Variants in SIM1 observed in about 807,000 individuals in gnomAD.
SIM1 encodes single-minded homolog 1.
SIM1 carries 18 observed loss-of-function variants against 78.2 expected under a neutral mutation model. The observed-to-expected ratio is 0.23, with a 90% CI of 0.16 to 0.34. The LOEUF (loss-of-function observed/expected upper bound fraction) is 0.34, where lower values mean the gene tolerates loss of function less well. Among genes scored for constraint, SIM1 ranks in the 10% least tolerant of loss-of-function variants. The pLI is 1.00. For missense variants in SIM1, 939 were observed against 975.1 expected, an observed-to-expected ratio of 0.96 and a Z score of 0.49; for synonymous variants, 417 against 385.2, an observed-to-expected ratio of 1.08 and a Z score of -0.97.
chr6:100,443,238 A>G (rs1772261100), intron 9 of SIM1, among the ~76,000 whole-genome samples: 2 of 152,124 alleles, frequency 1.3e-5, no homozygotes, highest in African/African-American at 2.4e-5. Context: ...GTTTTAACAT[A>G]GAAAACTACT....
chr6:100,398,222 C>T (rs1770815030), intron 10 of SIM1, among the ~76,000 whole-genome samples: 1 of 152,102 alleles, frequency 6.6e-6, no homozygotes, highest in South Asian at 2.1e-4. Flanking sequence ...AGCTACCTCC[C>T]TCCACTTCCA....
At position 100,398,202 on chromosome 6, in the gene SIM1, T is replaced by C. The variant is rs1000142678; in HGVS notation, c.1168-4313A>G. Among the ~76,000 whole-genome samples the C allele has an allele frequency of 9.2e-5, 14 of 152,256 alleles. No homozygotes were observed. The South Asian group carries it at 1.2e-3, about 14-fold the overall frequency. On this transcript the variant is annotated intron_variant, in intron 10 of 11. Transcript: ENST00000369208. ...TATTCATATAAAACTTGCACACAAA[T>C]ATTTATAGCAGCTACCTCCCTCCAC...
At chr6:100,428,683 T>A (rs114597933) in intron 9 of SIM1, among the ~76,000 whole-genome samples, 2 of 151,736 alleles carry the variant, frequency 1.3e-5, no homozygotes, top group African/African-American at 4.9e-5. Flanking sequence ...TCCGAGGGAG[T>A]ACATTCTAAG....
intron 2 of SIM1, among the ~76,000 whole-genome samples, chr6:100,455,883 G>A (rs1406002096): frequency 6.6e-6 from 1 of 152,200 alleles, no homozygotes; most frequent in Non-Finnish European, 1.5e-5. Flanking sequence ...CTGGGCTCGG[G>A]ATAAATACTA....
At chr6:100,413,243 C>T (rs529794136) in intron 10 of SIM1, among the ~76,000 whole-genome samples, 6 of 152,302 alleles carry the variant, frequency 3.9e-5, no homozygotes, top group African/African-American at 1.4e-4. Flanking sequence ...CACTCTCCTG[C>T]TTCTTTCTCC....
intron 9 of SIM1, 96 bp downstream of exon 9, chr6:100,447,172 C>T (rs954759957): frequency 1.4e-6 from 2 of 1,433,448 alleles, no homozygotes; most frequent in Non-Finnish European, 9.5e-7. Context: ...TTCCCCGTGG[C>T]CCGAGCCTTG....
At chr6:100,453,890 A>G (rs1170051553) in intron 2 of SIM1, 46 bp from the exon 3 acceptor site, 2 of 1,495,268 alleles carry the variant, frequency 1.3e-6, no homozygotes, top group South Asian at 2.4e-5. Flanking sequence ...CCCGGACCTG[A>G]CAGGCAGTTT....
At chr6:100,449,478 G>A (rs746368497) in intron 5 of SIM1, 30 bp from the exon 6 acceptor site, 1 of 1,600,618 alleles carries the variant, frequency 6.2e-7, no homozygotes, top group Non-Finnish European at 8.6e-7. Context: ...GGAAGCTCAG[G>A]TCGTGTGACA....
At chr6:100,443,833 G>T (rs1368973207) in intron 9 of SIM1, among the ~76,000 whole-genome samples, 1 of 152,246 alleles carries the variant, frequency 6.6e-6, no homozygotes, top group South Asian at 2.1e-4. Flanking sequence ...CATATAGGTA[G>T]AGAGAGATAT....
At position 100,391,084 on chromosome 6, in the gene SIM1, A is replaced by G; in HGVS notation, c.1578T>C (p.Gly526=). 2 of 1,570,198 alleles carry G rather than the reference A, an allele frequency of 1.3e-6. No individual in the cohort carries two copies. Among genetic ancestry groups the G allele is most frequent in the Non-Finnish European group, 1.7e-6 (2 of 1,161,792 alleles). ...IASVHRIHGR[G]HWDEDSVVSS... is the part of the protein sequence containing the mutation. ...TGACCACACTATCTTCATCCCAATG[A>G]CCTCGCCCTAAAAATTAGAAAAAGT... The change falls in exon 12 of 12, where the codon GGT becomes GGC. Residue 526 remains glycine (G), a synonymous_variant. Transcript: ENST00000369208.
At chr6:100,461,471 G>A (rs1772841852) in intron 2 of SIM1, among the ~76,000 whole-genome samples, 1 of 152,142 alleles carries the variant, frequency 6.6e-6, no homozygotes, top group African/African-American at 2.4e-5. Context: ...CTCCTCCCGC[G>A]ATTACTCGCA....
intron 9 of SIM1, among the ~76,000 whole-genome samples, chr6:100,425,525 A>T (rs990874269): frequency 6.6e-6 from 1 of 152,210 alleles, no homozygotes; most frequent in Non-Finnish European, 1.5e-5. Context: ...AAGCACAATA[A>T]AAAATACCCA....
chr6:100,460,218 C>T (rs1016711715), intron 2 of SIM1, among the ~76,000 whole-genome samples: 1 of 151,854 alleles, frequency 6.6e-6, no homozygotes, highest in African/African-American at 2.4e-5. Context: ...AACTTGCCCC[C>T]AGACAAGGAA....
chr6:100,399,198 A>C (rs905934379), intron 10 of SIM1, among the ~76,000 whole-genome samples: 1 of 152,084 alleles, frequency 6.6e-6, no homozygotes, highest in African/African-American at 2.4e-5. Flanking sequence ...ACTGGAAACA[A>C]CTCAGATTTC....
Position 100,455,103 on chromosome 6 carries a change from A to AT in SIM1, c.176-1260dup, listed in dbSNP as rs566587683. Among the ~76,000 whole-genome samples the AT allele has an allele frequency of 6.8e-3, 1,042 of 152,222 alleles. 7 individuals are homozygous for AT. The highest frequency in any genetic ancestry group is 0.01 in the Non-Finnish European group (713 of 68,000). On this transcript the variant is annotated intron_variant, in intron 2 of 11. Transcript: ENST00000369208. Reference sequence around the variant, plus strand: ...CTTTCAAAATAAAACATGGAGTTGGATTTTTTAAAAGGTGTTGGCTAGGAG... The same window carrying AT: ...CTTTCAAAATAAAACATGGAGTTGGATTTTTTTAAAAGGTGTTGGCTAGGAG...
rs1406445868 is a variant in SIM1 at position 100,456,839 on chromosome 6, A to C, written c.176-2995T>G. Among the ~76,000 whole-genome samples the C allele has an allele frequency of 5.3e-5, 8 of 152,192 alleles. No homozygotes were observed. The East Asian group carries it at 1.3e-3, about 26-fold the overall frequency. On this transcript the variant is annotated intron_variant, in intron 2 of 11. Coordinates refer to ENST00000369208, the MANE Select transcript of SIM1 (RefSeq NM_005068.3). The stretch of plus-strand genomic sequence containing the variant: ...GTGCTTAGTTGAGCCATTTCCATTT[A>C]AATACCCCCTGACCCAAGGATTACC...
chr6:100,388,555 A>T lies in SIM1; in HGVS notation c.*1806T>A, dbSNP rs1028287458. The T allele has an allele frequency of 1.3e-5, 2 of 152,162 alleles. No individual in the cohort carries two copies. Among genetic ancestry groups the T allele is most frequent in the African/African-American group, 4.8e-5 (2 of 41,446 alleles). 9.4% of individuals were successfully genotyped at this position (152,162 alleles called of 1,614,324 possible). ...TTCATATACAAACAACCCAGTACTC[A>T]TCTTTCATATTATCGTTCAGATTGT... is the stretch of plus-strand genomic sequence containing the variant. On this transcript the variant is annotated 3_prime_UTR_variant, in exon 12 of 12. Transcript: ENST00000369208.
At position 100,389,040 on chromosome 6, in the gene SIM1, C is replaced by T. The variant is rs748241229; in HGVS notation, c.*1321G>A. On this transcript the variant is annotated 3_prime_UTR_variant, in exon 12 of 12. Coordinates refer to ENST00000369208, the MANE Select transcript of SIM1 (RefSeq NM_005068.3). ...GTTCTGCTCTATCACAGAACATGAA[C>T]GCTGGGGCTGCCTTACAAACCAGGA... 4.6e-5 allele frequency: 7 copies of T among 152,174 alleles called. No individual in the cohort carries two copies. Among genetic ancestry groups the T allele is most frequent in the South Asian group, 2.1e-4 (1 of 4,826 alleles). 9.4% of individuals were successfully genotyped at this position (152,174 alleles called of 1,614,324 possible).
chr6:100,448,252 C>G lies in SIM1; in HGVS notation c.744G>C (p.Arg248Ser). ...LDMKLIFLDS[R>S]VAELTGYEPQ... ...GTTCGTACCCCGTCAGCTCCGCCAC[C>G]CTGAGGAGAGCAATCCCTGCAGGAT... The change falls in exon 8 of 12, where the codon AGG (arginine) becomes AGC (serine). Residue 248 changes from arginine to serine, a missense_variant and splice_region_variant. Arg to Ser is a moderately radical substitution (Grantham distance 110). Transcript: ENST00000369208. The G allele has an allele frequency of 6.2e-7, 1 of 1,610,950 alleles. No homozygotes were observed. The highest frequency in any genetic ancestry group is 8.5e-7 in the Non-Finnish European group (1 of 1,178,456).
Sources: gnomAD v4.1 joint callset for allele counts (sites outside exome capture counted in the v4.1 genomes callset) on GRCh38, gnomAD v4.1.1 for gene constraint, MANE v1.5 for transcripts, NCBI Gene and HGNC (gene_info 2026-07-23, HGNC 2026-07-21) for gene names.